Variants in SLC4A4 observed in about 807,000 individuals in gnomAD.
SLC4A4 encodes solute carrier family 4 member 4.
In SLC4A4, 27 loss-of-function variants were observed where a neutral mutation model predicts 111.5. The ratio of observed to expected loss-of-function variants is 0.24; its 90% CI spans 0.18 to 0.33. The LOEUF (loss-of-function observed/expected upper bound fraction) is 0.33, where lower values mean the gene tolerates loss of function less well. Ranked by LOEUF, SLC4A4 falls within the 10% of genes least tolerant of loss-of-function variation. The pLI, the probability that SLC4A4 is intolerant of heterozygous loss-of-function variation, is 1.00. For missense variants in SLC4A4, 909 were observed against 1,315.5 expected (o/e 0.69, Z 4.78); for synonymous variants, 443 against 463.4 (o/e 0.96, Z 0.57).
intron 5 of SLC4A4, among the ~76,000 whole-genome samples, chr4:71,351,937 A>T (rs553205321): frequency 6.6e-6 from 1 of 152,214 alleles, no homozygotes; most frequent in Admixed American, 6.5e-5. Context: ...AATTTTATAT[A>T]GCATTTTTCA....
chr4:71,275,182 A>C (rs1026214920), intron 3 of SLC4A4, among the ~76,000 whole-genome samples: 2 of 152,226 alleles, frequency 1.3e-5, no homozygotes, highest in Admixed American at 1.3e-4. Context: ...CTTTGCTTTA[A>C]TTGTTGCCAG....
intron 1 of SLC4A4, among the ~76,000 whole-genome samples, chr4:71,076,027 CCT>C (rs1318111304): frequency 1.6e-4 from 24 of 149,204 alleles, no homozygotes; most frequent in Non-Finnish European, 2.7e-4. Flanking sequence ...TCAACCTGCC[CCT>C]GTTTCCCCTT....
intron 2 of SLC4A4, among the ~76,000 whole-genome samples, chr4:71,157,365 ATT>A (rs1399171560): frequency 6.6e-6 from 1 of 152,182 alleles, no homozygotes; most frequent in Non-Finnish European, 1.5e-5. Flanking sequence ...TACAATATAT[ATT>A]AATGTGCTTG....
At chr4:71,477,530 G>A (rs954297654) in intron 14 of SLC4A4, among the ~76,000 whole-genome samples, 59 of 151,802 alleles carry the variant, frequency 3.9e-4, no homozygotes, top group African/African-American at 1.4e-3. Flanking sequence ...AAAAGTTAAA[G>A]CTTCATTGCA....
At chr4:71,206,963 T>C (rs913437846) in intron 1 of SLC4A4, among the ~76,000 whole-genome samples, 3 of 152,320 alleles carry the variant, frequency 2.0e-5, no homozygotes, top group Non-Finnish European at 2.9e-5. Flanking sequence ...ATTACTTTGC[T>C]ACTATGACTG....
chr4:71,248,295 C>T (rs1003996045), intron 2 of SLC4A4, among the ~76,000 whole-genome samples: 1 of 151,992 alleles, frequency 6.6e-6, no homozygotes, highest in Non-Finnish European at 1.5e-5. Flanking sequence ...AACATTTATG[C>T]AGCACCTTTG....
At chr4:71,295,532 C>T (rs548677638) in intron 3 of SLC4A4, among the ~76,000 whole-genome samples, 1 of 152,284 alleles carries the variant, frequency 6.6e-6, no homozygotes, top group South Asian at 2.1e-4. Context: ...TGCCTTTTCT[C>T]TCCTGCCTTT....
intron 2 of SLC4A4, among the ~76,000 whole-genome samples, chr4:71,121,002 C>T (rs891050715): frequency 1.3e-5 from 2 of 152,184 alleles, no homozygotes; most frequent in South Asian, 2.1e-4. Context: ...GGCACGCGCT[C>T]GGTAGGTCCC....
chr4:71,133,624 C>T (rs1239980980), intron 2 of SLC4A4, among the ~76,000 whole-genome samples: 2 of 152,158 alleles, frequency 1.3e-5, no homozygotes, highest in Non-Finnish European at 2.9e-5. Flanking sequence ...TTAGGCTAGT[C>T]TTGGAACTAG....
At chr4:71,064,871 C>G (rs1000046781) in intron 1 of SLC4A4, among the ~76,000 whole-genome samples, 1 of 152,300 alleles carries the variant, frequency 6.6e-6, no homozygotes, top group East Asian at 1.9e-4. Context: ...TCTGTCTCTT[C>G]TATAAAATGA....
chr4:71,566,969 T>C, intron 24 of SLC4A4, 35 bp from the exon 25 acceptor site: 1 of 1,555,498 alleles, frequency 6.4e-7, no homozygotes, highest in Non-Finnish European at 8.9e-7. Flanking sequence ...ACCAAAGATC[T>C]ACCATTTATG....
At chr4:71,115,978 T>G (rs911972185) in intron 2 of SLC4A4, among the ~76,000 whole-genome samples, 4 of 152,234 alleles carry the variant, frequency 2.6e-5, no homozygotes, top group Non-Finnish European at 5.9e-5. Flanking sequence ...CACTGCAACA[T>G]CCACCTCCCA....
At position 71,472,653 on chromosome 4, in the gene SLC4A4, T is replaced by A. The variant is rs756142085; in HGVS notation, c.1632-46T>A. The A allele has an allele frequency of 3.2e-6, 5 of 1,577,976 alleles. No individual in the cohort carries two copies. In the East Asian group the frequency reaches 6.7e-5, roughly 21 times the overall value. On this transcript the variant is annotated intron_variant, in intron 13 of 25. Transcript: ENST00000264485. ...TTTGGTAGTTTTATATTATTCTTTG[T>A]GTTCCAAGGAGGAGGAATCTAAACA...
chr4:71,138,803 A>G (rs940773926), intron 2 of SLC4A4, among the ~76,000 whole-genome samples: 3 of 151,918 alleles, frequency 2.0e-5, no homozygotes, highest in Non-Finnish European at 2.9e-5. Context: ...TTGGGAGGCC[A>G]AGGAGGGCGG....
chr4:71,430,551 A>C (rs1723545813), intron 7 of SLC4A4, among the ~76,000 whole-genome samples: 3 of 152,166 alleles, frequency 2.0e-5, no homozygotes. Context: ...TGCAGTAGAC[A>C]GAAATGCACC....
chr4:71,261,946 TG>T (rs551033033), intron 3 of SLC4A4, among the ~76,000 whole-genome samples: 138 of 151,898 alleles, frequency 9.1e-4, no homozygotes, highest in African/African-American at 3.2e-3. Flanking sequence ...GGGTGGAAAA[TG>T]GGGGGAAACC....
At chr4:71,453,695 A>T (rs372833705) in intron 12 of SLC4A4, 26 bp downstream of exon 12, 1 of 1,612,272 alleles carries the variant, frequency 6.2e-7, no homozygotes, top group African/African-American at 1.3e-5. Context: ...AGGAGGACAC[A>T]AATAGTACAG....
chr4:71,339,279 A>G lies in SLC4A4; in HGVS notation c.254-91A>G, dbSNP rs545021444. The stretch of plus-strand genomic sequence containing the variant: ...CACTGAAAATGTGGAAGGGAAGCCC[A>G]GTAACCTTGGGGAGAGAGGAAGAGC... On this transcript the variant is annotated intron_variant, in intron 3 of 25. Transcript: ENST00000264485. 24 of 1,614,230 alleles carry G rather than the reference A, an allele frequency of 1.5e-5. No individual in the cohort carries two copies. The African/African-American group carries it at 2.8e-4, about 19-fold the overall frequency.
At chr4:71,473,119 C>T in intron 14 of SLC4A4, 149 bp downstream of exon 14, 3 of 870,484 alleles carry the variant, frequency 3.4e-6, no homozygotes, top group South Asian at 2.7e-5. Context: ...AATTTGATGT[C>T]TCATTGCCTG....
Sources: allele counts gnomAD v4.1 joint callset (sites outside exome capture counted in the v4.1 genomes callset), GRCh38; gene constraint gnomAD v4.1.1; transcripts MANE v1.5; gene names NCBI Gene and HGNC (gene_info 2026-07-23, HGNC 2026-07-21).